PHKB: variants seen among roughly 807,000 people sequenced by gnomAD.
PHKB encodes the protein phosphorylase kinase regulatory subunit beta, also known as phosphorylase b kinase regulatory subunit beta.
PHKB carries 122 observed loss-of-function variants against 152.1 expected under a neutral mutation model. That is an observed-to-expected ratio of 0.80 (90% CI 0.69 to 0.93). PHKB has a LOEUF of 0.93. Ranked by LOEUF, PHKB falls within the 40% of genes least tolerant of loss-of-function variation. The pLI, the probability that PHKB is intolerant of heterozygous loss-of-function variation, is 0.00. For missense variants in PHKB, 1,304 were observed against 1,328.4 expected (o/e 0.98, Z 0.29); for synonymous variants, 436 against 464.9 (o/e 0.94, Z 0.80).
intron 1 of PHKB, among the ~76,000 whole-genome samples, chr16:47,482,124 G>A (rs977306887): frequency 1.3e-5 from 2 of 152,204 alleles, no homozygotes; most frequent in Admixed American, 6.5e-5. Flanking sequence ...GTCAGTTAAC[G>A]ATTATACTAT....
chr16:47,696,395 A>T lies in PHKB; in HGVS notation c.2910A>T (p.Ser970=), dbSNP rs1165827381. The part of the protein sequence containing the change: ...GKHLPQQPTL[S]DMTMYEMNFS... ...ATTTTTTTCAGCAACCAACCCTGTC[A>T]GATATGACCATGTATGAGATGAATT... The change falls in exon 29 of 31, where the codon TCA becomes TCT. Residue 970 remains serine (S), a synonymous_variant. Coordinates refer to ENST00000323584, the MANE Select transcript of PHKB (RefSeq NM_000293.3). 6.3e-7 allele frequency: 1 copy of T among 1,599,694 alleles called. No individual in the cohort carries two copies. Among genetic ancestry groups the T allele is most frequent in the Admixed American group, 1.7e-5 (1 of 59,994 alleles).
chr16:47,613,421 G>T (rs1286204989), intron 14 of PHKB, among the ~76,000 whole-genome samples: 1 of 152,058 alleles, frequency 6.6e-6, no homozygotes, highest in Non-Finnish European at 1.5e-5. Flanking sequence ...ACTAAAGGTC[G>T]GTTATGTAGG....
At chr16:47,513,476 C>G (rs1047947475) in intron 5 of PHKB, among the ~76,000 whole-genome samples, 2 of 152,100 alleles carry the variant, frequency 1.3e-5, no homozygotes, top group African/African-American at 4.8e-5. Flanking sequence ...CCTGTGTGGC[C>G]CACTTGGACC....
At chr16:47,611,728 C>G (rs1972431805) in intron 14 of PHKB, among the ~76,000 whole-genome samples, 1 of 152,044 alleles carries the variant, frequency 6.6e-6, no homozygotes, top group Non-Finnish European at 1.5e-5. Context: ...AAGGGAGAGC[C>G]AACAGCCCCG....
At chr16:47,487,233 A>G (rs1970063922) in intron 1 of PHKB, among the ~76,000 whole-genome samples, 1 of 152,178 alleles carries the variant, frequency 6.6e-6, no homozygotes, top group Non-Finnish European at 1.5e-5. Flanking sequence ...TTTTAAATCA[A>G]TATATTGCTT....
intron 27 of PHKB, 32 bp downstream of exon 27, chr16:47,689,207 C>G: frequency 6.2e-7 from 1 of 1,601,494 alleles, no homozygotes; most frequent in South Asian, 1.1e-5. Context: ...CTACATGATA[C>G]TCTGGATTTA....
intron 5 of PHKB, among the ~76,000 whole-genome samples, chr16:47,513,836 A>G (rs142078611): frequency 0.015 from 2,237 of 152,328 alleles, 22 homozygotes; most frequent in Non-Finnish European, 0.022. Flanking sequence ...TTATTTAATA[A>G]CAGTTTTATT....
rs199601047 is a variant in PHKB at position 47,596,541 on chromosome 16, G to A, written c.1363+10G>A. 10 of 1,611,468 alleles carry A rather than the reference G, an allele frequency of 6.2e-6. No individual in the cohort carries two copies. Among genetic ancestry groups the A allele is most frequent in the East Asian group, 2.2e-5 (1 of 44,842 alleles). The stretch of plus-strand genomic sequence containing the variant: ...ATCGCAAAACTCCTGGGTAAGTGGA[G>A]AAGATTGGGAATGGTATTTTTTTCC... On this transcript the variant is annotated intron_variant, in intron 13 of 30. Transcript: ENST00000323584.
intron 26 of PHKB, among the ~76,000 whole-genome samples, chr16:47,679,349 A>G (rs1026130453): frequency 6.6e-6 from 1 of 152,186 alleles, no homozygotes; most frequent in Non-Finnish European, 1.5e-5. Flanking sequence ...GAATCTATAA[A>G]TTACCTTGGG....
chr16:47,485,918 G>C (rs986129263), intron 1 of PHKB, among the ~76,000 whole-genome samples: 1 of 151,562 alleles, frequency 6.6e-6, no homozygotes, highest in African/African-American at 2.4e-5. Flanking sequence ...ACTGTGCCTG[G>C]TCCCTCACCG....
At chr16:47,546,518 C>T (rs1280454249) in intron 6 of PHKB, among the ~76,000 whole-genome samples, 2 of 151,998 alleles carry the variant, frequency 1.3e-5, no homozygotes. Flanking sequence ...AGGTGTTAGT[C>T]AGCCCCTACT....
chr16:47,628,969 T>C (rs1244567877), intron 14 of PHKB, among the ~76,000 whole-genome samples: 1 of 152,100 alleles, frequency 6.6e-6, no homozygotes, highest in Non-Finnish European at 1.5e-5. Context: ...TGGCTAGCCA[T>C]ATGTAGAAAG....
intron 7 of PHKB, among the ~76,000 whole-genome samples, chr16:47,563,634 A>G (rs993317715): frequency 6.6e-6 from 1 of 151,780 alleles, no homozygotes; most frequent in Non-Finnish European, 1.5e-5. Context: ...TAATATTTGA[A>G]CCCTACTTTC....
chr16:47,557,531 T>C (rs1366277985), intron 7 of PHKB, among the ~76,000 whole-genome samples: 1 of 151,684 alleles, frequency 6.6e-6, no homozygotes, highest in Non-Finnish European at 1.5e-5. Context: ...TCAAACAAAT[T>C]GACAAGAAAA....
At chr16:47,649,916 G>A (rs553647772) in intron 18 of PHKB, among the ~76,000 whole-genome samples, 23 of 151,216 alleles carry the variant, frequency 1.5e-4, no homozygotes, top group South Asian at 4.2e-4. Context: ...ATGACTGATT[G>A]ATTGACAGAT....
At chr16:47,557,107 A>G (rs1231270621) in intron 7 of PHKB, among the ~76,000 whole-genome samples, 2 of 152,192 alleles carry the variant, frequency 1.3e-5, no homozygotes, top group Non-Finnish European at 2.9e-5. Flanking sequence ...ATCTTTGACA[A>G]ACCTGAGAAA....
At chr16:47,465,214 A>G (rs1226398533) in intron 1 of PHKB, among the ~76,000 whole-genome samples, 1 of 152,256 alleles carries the variant, frequency 6.6e-6, no homozygotes, top group South Asian at 2.1e-4. Flanking sequence ...GAACTAAAAG[A>G]ACAGGAGGAC....
At chr16:47,484,134 AG>A (rs1970011316) in intron 1 of PHKB, among the ~76,000 whole-genome samples, 1 of 152,200 alleles carries the variant, frequency 6.6e-6, no homozygotes, top group Admixed American at 6.5e-5. Context: ...GCTATTCATA[AG>A]GTCAACACAT....
intron 7 of PHKB, chr16:47,565,712 A>G: frequency 6.8e-7 from 1 of 1,470,530 alleles, no homozygotes; most frequent in South Asian, 1.2e-5. Context: ...GTCTCTCCCG[A>G]GGCCATCGTT....
Sources: gnomAD v4.1 joint callset for allele counts (sites outside exome capture counted in the v4.1 genomes callset) on GRCh38, gnomAD v4.1.1 for gene constraint, MANE v1.5 for transcripts, NCBI Gene and HGNC (gene_info 2026-07-23, HGNC 2026-07-21) for gene names.